Variants in TRPC6 observed in about 807,000 individuals in gnomAD.
TRPC6 encodes short transient receptor potential channel 6.
A neutral mutation model predicts 90.7 loss-of-function variants in TRPC6; 55 were observed. The ratio of observed to expected loss-of-function variants is 0.61; its 90% confidence interval spans 0.49 to 0.76. TRPC6 has a LOEUF of 0.76. Among genes scored for constraint, TRPC6 ranks in the 30% least tolerant of loss-of-function variants. The pLI is 0.00. For synonymous variants in TRPC6, 393 were observed against 393.0 expected (o/e 1.00, Z 0.00); for missense variants, 989 against 1,122.7 (o/e 0.88, Z 1.70).
At chr11:101,509,937 T>C (rs960534672) in intron 1 of TRPC6, among the ~76,000 whole-genome samples, 2 of 152,150 alleles carry the variant, frequency 1.3e-5, no homozygotes, top group Non-Finnish European at 2.9e-5. Flanking sequence ...TTTTTGTTTG[T>C]TTTTGATTAC....
At chr11:101,552,895 T>C (rs1239048744) in intron 1 of TRPC6, among the ~76,000 whole-genome samples, 1 of 152,084 alleles carries the variant, frequency 6.6e-6, no homozygotes, top group South Asian at 2.1e-4. Context: ...CTTTATCCAG[T>C]GTGGTTTTTC....
chr11:101,489,014 T>G lies in TRPC6; in HGVS notation c.1216A>C (p.Lys406Gln). The change falls in exon 4 of 13, where the codon AAG (lysine) becomes CAG (glutamine). Residue 406 changes from lysine to glutamine, a missense_variant. Lys to Gln is a moderately conservative substitution (Grantham distance 53). Coordinates refer to ENST00000344327, the MANE Select transcript of TRPC6 (RefSeq NM_004621.6). The part of the protein sequence containing the change: ...SGLRQQTMAV[K>Q]FLVVLAVAIG... ...GCAACAGCAAGGACCACAAGGAACTTGACCGCCATTGTCTGCTGTCGTAAA... is the reference window on the plus strand; with the variant it reads ...GCAACAGCAAGGACCACAAGGAACTGGACCGCCATTGTCTGCTGTCGTAAA... 6.2e-7 allele frequency: 1 copy of G among 1,614,208 alleles called. No individual in the cohort carries two copies. Among genetic ancestry groups the G allele is most frequent in the South Asian group, 1.1e-5 (1 of 91,090 alleles).
At chr11:101,511,743 G>A (rs1258071174) in intron 1 of TRPC6, among the ~76,000 whole-genome samples, 1 of 152,080 alleles carries the variant, frequency 6.6e-6, no homozygotes, top group Non-Finnish European at 1.5e-5. Flanking sequence ...TGTAATCCCA[G>A]CACTCTGGGA....
chr11:101,511,941 C>T (rs761050294), intron 1 of TRPC6, among the ~76,000 whole-genome samples: 3 of 151,900 alleles, frequency 2.0e-5, no homozygotes, highest in Admixed American at 6.6e-5. Flanking sequence ...TGCAGTGAGC[C>T]GAGATCACGC....
intron 5 of TRPC6, among the ~76,000 whole-genome samples, chr11:101,477,707 A>C (rs141219371): frequency 6.6e-6 from 1 of 152,304 alleles, no homozygotes; most frequent in East Asian, 1.9e-4. Flanking sequence ...AATGGGAATG[A>C]TATTGGTTCA....
chr11:101,547,320 C>T (rs1399960971), intron 1 of TRPC6, among the ~76,000 whole-genome samples: 1 of 152,078 alleles, frequency 6.6e-6, no homozygotes, highest in Non-Finnish European at 1.5e-5. Context: ...TCTATATGGG[C>T]CCTGAGATTC....
intron 1 of TRPC6, among the ~76,000 whole-genome samples, chr11:101,509,881 C>A (rs1027637440): frequency 2.6e-5 from 4 of 152,090 alleles, no homozygotes; most frequent in Admixed American, 2.6e-4. Context: ...GACAGAATTA[C>A]AACTTGGTCA....
intron 1 of TRPC6, among the ~76,000 whole-genome samples, chr11:101,549,464 T>A (rs968365248): frequency 4.6e-5 from 7 of 151,680 alleles, no homozygotes; most frequent in Admixed American, 2.0e-4. Flanking sequence ...AAAAGGCAAG[T>A]CAACATTTAT....
At chr11:101,458,804 G>C (rs996874523) in intron 10 of TRPC6, among the ~76,000 whole-genome samples, 1 of 152,198 alleles carries the variant, frequency 6.6e-6, no homozygotes, top group Non-Finnish European at 1.5e-5. Context: ...TGTGAAGGCA[G>C]TGTTTGTGCA....
In TRPC6 at chr11:101,491,609, C is replaced by G. The variant is rs779132904; in HGVS notation, c.1075G>C (p.Gly359Arg). Residue 359 changes from glycine to arginine, a missense_variant, in exon 3 of 13, where the codon GGT (glycine) becomes CGT (arginine). Gly to Arg is a moderately radical substitution (Grantham distance 125). Around this residue, in one of 4 missense-constraint regions of TRPC6, gnomAD observed 486 missense variants for 591.9 expected, o/e 0.82. Transcript: ENST00000344327. ...DVETLQSGDH[G>R]RPNLSRLKLA... is the part of the protein sequence containing the mutation. Reference sequence around the variant, plus strand: ...TTTAAACGGCTGAGATTTGGGCGACCGTGATCACCACTCTGGAGCGTTTCA... The same window carrying G: ...TTTAAACGGCTGAGATTTGGGCGACGGTGATCACCACTCTGGAGCGTTTCA... The G allele has an allele frequency of 1.2e-6, 2 of 1,613,762 alleles. No individual in the cohort carries two copies. The highest frequency in any genetic ancestry group is 1.7e-6 in the Non-Finnish European group (2 of 1,179,964).
Position 101,580,676 on chromosome 11 carries a change from CAG to C in TRPC6, c.170+2656_170+2657del, listed in dbSNP as rs145989026. On this transcript the variant is annotated intron_variant, in intron 1 of 12. Transcript: ENST00000344327. The stretch of plus-strand genomic sequence containing the variant: ...TTTTCTAAATAAGAAAACTATGAAA[CAG>C]AAATTTTTGGCAAGAGTCATAGAAT... Among the ~76,000 whole-genome samples, 390 of 152,066 alleles carry C rather than the reference CAG, an allele frequency of 2.6e-3. 1 individual carries two copies. The highest frequency in any genetic ancestry group is 8.9e-3 in the African/African-American group (369 of 41,496).
At chr11:101,520,988 G>T (rs890159465) in intron 1 of TRPC6, among the ~76,000 whole-genome samples, 3 of 152,192 alleles carry the variant, frequency 2.0e-5, no homozygotes, top group Admixed American at 2.0e-4. Context: ...GGGAGGCAGA[G>T]CATAAAACTT....
At position 101,473,635 on chromosome 11, in the gene TRPC6, C is replaced by T. The variant is rs1565207766; in HGVS notation, c.1883G>A (p.Gly628Glu). The T allele has an allele frequency of 6.2e-7, 1 of 1,613,752 alleles. No homozygotes were observed. The change falls in exon 7 of 13, where the codon GGA (glycine) becomes GAA (glutamate). Residue 628 changes from glycine (G) to glutamate (E), a missense_variant. Gly to Glu is a moderately conservative substitution (Grantham distance 98, BLOSUM62 -2). Around this residue, in one of 4 missense-constraint regions of TRPC6, gnomAD observed 118 missense variants for 197.6 expected, o/e 0.60. Transcript: ENST00000344327. ...ESFGPLQISL[G>E]RTVKDIFKFM... Reference sequence around the variant, plus strand: ...CTTGAAGATGTCTTTGACTGTTCTTCCAAGTGATATCTGCAGAGGTCCAAA... The same window carrying T: ...CTTGAAGATGTCTTTGACTGTTCTTTCAAGTGATATCTGCAGAGGTCCAAA...
intron 10 of TRPC6, among the ~76,000 whole-genome samples, chr11:101,468,006 C>CAAAACTTGTCTGAACAGCAA (rs1293375782): frequency 1.3e-5 from 2 of 152,180 alleles, no homozygotes; most frequent in Non-Finnish European, 2.9e-5. Flanking sequence ...GCAAGCCAAA[C>CAAAACTTGTCTGAACAGCAA]AAAACTTGTC....
Position 101,452,088 on chromosome 11 carries a change from A to C in TRPC6, c.*867T>G, listed in dbSNP as rs200455010. 1.3e-5 allele frequency: 2 copies of C among 152,282 alleles called. No individual in the cohort carries two copies. Among genetic ancestry groups the C allele is most frequent in the Non-Finnish European group, 1.5e-5 (1 of 68,020 alleles). 9.4% of individuals were successfully genotyped at this position (152,282 alleles called of 1,614,324 possible). On this transcript the variant is annotated 3_prime_UTR_variant, in exon 13 of 13. Transcript: ENST00000344327. Reference sequence around the variant, plus strand: ...ATCTGTAAATGCTCCCAGAAATGGCACAAAATTGTGCTATAATGGAACCAA... The same window carrying C: ...ATCTGTAAATGCTCCCAGAAATGGCCCAAAATTGTGCTATAATGGAACCAA...
intron 1 of TRPC6, among the ~76,000 whole-genome samples, chr11:101,580,650 T>C (rs1431184521): frequency 6.6e-6 from 1 of 151,930 alleles, no homozygotes; most frequent in Non-Finnish European, 1.5e-5. Flanking sequence ...ATGTAAAAAA[T>C]TTTTCTAAAT....
rs1859068927 is a variant in TRPC6, at chr11:101,463,854, A to G, written c.2484+5573T>C. Reference sequence around the variant, plus strand: ...ATTTCTTGTATTCTACTAGCTTTTGAATTTGTTTGCTCTTGTTTCTCTAGT... The same window carrying G: ...ATTTCTTGTATTCTACTAGCTTTTGGATTTGTTTGCTCTTGTTTCTCTAGT... On this transcript the variant is annotated intron_variant, in intron 10 of 12. Transcript: ENST00000344327. Among the ~76,000 whole-genome samples the G allele has an allele frequency of 7.9e-5, 12 of 151,892 alleles. No homozygotes were observed. In the South Asian group the frequency reaches 2.3e-3, roughly 29 times the overall value.
rs145077205 is a variant in TRPC6 at position 101,472,200 on chromosome 11, C to A, written c.2142G>T (p.Thr714=). The A allele has an allele frequency of 5.2e-3, 8,444 of 1,612,764 alleles. 54 individuals carry two copies. Among genetic ancestry groups the A allele is most frequent in the South Asian group, 0.02 (1,794 of 91,038 alleles). ...GYVLYGVYNV[T]MVIVLLNMLI... ...ACATATTTAGCAAAACAATGACCATCGTAACATTATAGACTCCATAAAGAA... is the reference window on the plus strand; with the variant it reads ...ACATATTTAGCAAAACAATGACCATAGTAACATTATAGACTCCATAAAGAA... Residue 714 remains threonine (T), a synonymous_variant, in exon 8 of 13, where the codon ACG becomes ACT. Transcript: ENST00000344327.
chr11:101,491,832 CATTCT>C, intron 2 of TRPC6, 94 bp from the exon 3 acceptor site: 11 of 568,348 alleles, frequency 1.9e-5, no homozygotes, highest in Non-Finnish European at 2.9e-5. Context: ...TTAAGAGAAA[CATTCT>C]TTTTTTTTTT....
Sources: gnomAD v4.1 joint callset for allele counts (sites outside exome capture counted in the v4.1 genomes callset) on GRCh38, gnomAD v4.1.1 for gene constraint, gnomAD v4.1.1 regional missense constraint, MANE v1.5 for transcripts, NCBI Gene and HGNC (gene_info 2026-07-23, HGNC 2026-07-21) for gene names.